Variants in CLSTN2 observed in about 807,000 individuals in gnomAD.
CLSTN2 encodes calsyntenin 2, also known as calsyntenin-2.
In CLSTN2, 48 loss-of-function variants were observed where a neutral mutation model predicts 101.2. That is an observed-to-expected ratio of 0.47 (90% CI 0.38 to 0.60). The LOEUF (loss-of-function observed/expected upper bound fraction) is 0.60. Ranked by LOEUF, CLSTN2 falls within the 20% of genes least tolerant of loss-of-function variation. The pLI is 0.00. For missense variants in CLSTN2, 1,160 were observed against 1,238.2 expected (o/e 0.94, Z 0.95); for synonymous variants, 481 against 463.6 (o/e 1.04, Z -0.48).
chr3:140,043,622 T>G (rs2007806057), intron 1 of CLSTN2, among the ~76,000 whole-genome samples: 1 of 152,224 alleles, frequency 6.6e-6, no homozygotes. Context: ...TGAATGGTAT[T>G]GCCTAGGTTT....
chr3:140,251,522 C>T (rs1473249008), intron 2 of CLSTN2, among the ~76,000 whole-genome samples: 1 of 151,932 alleles, frequency 6.6e-6, no homozygotes. Context: ...GCATTTGATA[C>T]CTGATTGTTT....
chr3:140,447,452 A>G (rs1013956696), intron 5 of CLSTN2, among the ~76,000 whole-genome samples: 4 of 152,336 alleles, frequency 2.6e-5, no homozygotes, highest in African/African-American at 9.6e-5. Flanking sequence ...TGCTGTTATT[A>G]TATCAGTCAA....
intron 2 of CLSTN2, among the ~76,000 whole-genome samples, chr3:140,279,052 G>T (rs2086821627): frequency 6.6e-6 from 1 of 152,126 alleles, no homozygotes; most frequent in South Asian, 2.1e-4. Context: ...CCATTGACCA[G>T]CTTTGCCTAC....
intron 2 of CLSTN2, among the ~76,000 whole-genome samples, chr3:140,367,177 G>A (rs1436381754): frequency 6.6e-6 from 1 of 152,144 alleles, no homozygotes; most frequent in East Asian, 1.9e-4. Context: ...AAATGTATTT[G>A]GAACTTTACA....
intron 1 of CLSTN2, among the ~76,000 whole-genome samples, chr3:140,145,868 A>C (rs1383957068): frequency 6.6e-6 from 1 of 152,250 alleles, no homozygotes; most frequent in Non-Finnish European, 1.5e-5. Flanking sequence ...GACAGATGGC[A>C]TTATAGAACA....
intron 1 of CLSTN2, among the ~76,000 whole-genome samples, chr3:140,097,999 G>A (rs2008900492): frequency 6.6e-6 from 1 of 152,068 alleles, no homozygotes; most frequent in African/African-American, 2.4e-5. Context: ...TAAGACATTG[G>A]ACAGAGTATT....
chr3:140,381,616 C>T (rs958862876), intron 2 of CLSTN2, among the ~76,000 whole-genome samples: 3 of 152,178 alleles, frequency 2.0e-5, no homozygotes, highest in Non-Finnish European at 4.4e-5. Flanking sequence ...CATACTGTTA[C>T]CCCATTCAGG....
chr3:140,116,373 TGCAGGAGGCTCTGA>T (rs1235198013), intron 1 of CLSTN2, among the ~76,000 whole-genome samples: 2 of 152,338 alleles, frequency 1.3e-5, no homozygotes, highest in Admixed American at 6.5e-5. Flanking sequence ...CACCGTTGCC[TGCAGGAGGCTCTGA>T]GCAGGAGGCT....
chr3:140,345,600 ATTT>A (rs35828839), intron 2 of CLSTN2, among the ~76,000 whole-genome samples: 30 of 121,108 alleles, frequency 2.5e-4, no homozygotes, highest in Non-Finnish European at 2.7e-4. Flanking sequence ...TATGTGTGGA[ATTT>A]TTTTTTTTTT....
chr3:140,123,786 G>C (rs2009383807), intron 1 of CLSTN2, among the ~76,000 whole-genome samples: 1 of 151,488 alleles, frequency 6.6e-6, no homozygotes, highest in Admixed American at 6.6e-5. Context: ...ATTCACATGA[G>C]GGGAGAGAGA....
chr3:140,526,444 G>A (rs1370811966), intron 8 of CLSTN2, among the ~76,000 whole-genome samples: 1 of 151,360 alleles, frequency 6.6e-6, no homozygotes, highest in African/African-American at 2.5e-5. Flanking sequence ...AACGTTTCAT[G>A]CTTAAGGATT....
At chr3:140,546,427 C>T (rs1182583427) in intron 9 of CLSTN2, 88 bp from the exon 10 acceptor site, 12 of 1,354,114 alleles carry the variant, frequency 8.9e-6, no homozygotes, top group East Asian at 4.6e-5. Flanking sequence ...ACAATCAAGG[C>T]GTCTTTGGCT....
chr3:139,988,966 G>A (rs938731470), intron 1 of CLSTN2, among the ~76,000 whole-genome samples: 1 of 152,184 alleles, frequency 6.6e-6, no homozygotes, highest in Non-Finnish European at 1.5e-5. Flanking sequence ...TGTGTAATAT[G>A]AACAGGAGTT....
chr3:140,020,298 G>A (rs2007281409), intron 1 of CLSTN2, among the ~76,000 whole-genome samples: 1 of 152,172 alleles, frequency 6.6e-6, no homozygotes. Context: ...CTATGCTCAG[G>A]GGATGAAGTG....
chr3:140,025,917 A>G (rs1445404685), intron 1 of CLSTN2, among the ~76,000 whole-genome samples: 1 of 152,184 alleles, frequency 6.6e-6, no homozygotes, highest in Non-Finnish European at 1.5e-5. Flanking sequence ...GAACTGAGCA[A>G]GTACCGCGCA....
intron 2 of CLSTN2, among the ~76,000 whole-genome samples, chr3:140,328,603 G>A (rs2087352757): frequency 6.6e-6 from 1 of 152,094 alleles, no homozygotes; most frequent in Non-Finnish European, 1.5e-5. Flanking sequence ...TGTAGGCAAG[G>A]CCGCTCTGTT....
rs1001998831 is a variant in CLSTN2, at chr3:140,235,106, A to G, written c.232+59033A>G. 3.9e-5 allele frequency among the ~76,000 whole-genome samples: 6 copies of G among 152,348 alleles called. 1 individual carries two copies. The Middle Eastern group carries it at 0.01, about 259-fold the overall frequency. On this transcript the variant is annotated intron_variant, in intron 2 of 16. Transcript: ENST00000458420. ...AAATAGGAATAATATTAATTTTTCA[A>G]GGTGGTTATGAGGATTAACTATAAT...
intron 1 of CLSTN2, among the ~76,000 whole-genome samples, chr3:139,953,931 T>TTTGTGTGTGTGTGTG (rs1935340525): frequency 6.8e-6 from 1 of 147,392 alleles, no homozygotes; most frequent in Non-Finnish European, 1.5e-5. Context: ...GTGTGTGTGT[T>TTTGTGTGTGTGTGTG]TGTGTGTGTG....
chr3:140,398,767 G>A (rs1485079403), intron 2 of CLSTN2, among the ~76,000 whole-genome samples: 2 of 152,194 alleles, frequency 1.3e-5, no homozygotes, highest in Non-Finnish European at 2.9e-5. Context: ...TTACTTTGTT[G>A]TTCAAAAGTA....
Sources: allele counts gnomAD v4.1 joint callset (sites outside exome capture counted in the v4.1 genomes callset), GRCh38; gene constraint gnomAD v4.1.1; transcripts MANE v1.5; gene names NCBI Gene and HGNC (gene_info 2026-07-23, HGNC 2026-07-21).